PIGL: variants seen among roughly 807,000 people sequenced by gnomAD.
PIGL encodes phosphatidylinositol glycan anchor biosynthesis class L.
PIGL carries 22 observed loss-of-function variants against 31.1 expected under a neutral mutation model. That is an observed-to-expected ratio of 0.71 (90% CI 0.51 to 1.01). PIGL has a LOEUF of 1.01. PIGL is among the 50% of genes least tolerant of loss of function. The pLI, the probability that PIGL is intolerant of heterozygous loss-of-function variation, is 0.00. For synonymous variants in PIGL, 131 were observed against 117.4 expected, an observed-to-expected ratio of 1.12 and a Z score of -0.75; for missense variants, 302 against 315.9, an observed-to-expected ratio of 0.96 and a Z score of 0.33.
chr17:16,322,793 C>A (rs2093111498), intron 6 of PIGL, among the ~76,000 whole-genome samples: 1 of 152,202 alleles, frequency 6.6e-6, no homozygotes. Context: ...CCAGCTGTTT[C>A]AGCTCTCCTA....
At chr17:16,271,899 C>G (rs995357192) in intron 2 of PIGL, among the ~76,000 whole-genome samples, 4 of 151,452 alleles carry the variant, frequency 2.6e-5, no homozygotes, top group African/African-American at 9.8e-5. Flanking sequence ...ATTTTATTTT[C>G]ATTATTTTTT....
At chr17:16,317,659 G>A in intron 5 of PIGL, 116 bp from the exon 6 acceptor site, 1 of 1,534,412 alleles carries the variant, frequency 6.5e-7, no homozygotes, top group Non-Finnish European at 8.8e-7. Context: ...ACGTGGCAAT[G>A]CTGTGGCCAC....
At chr17:16,264,071 G>A (rs1035674009) in intron 2 of PIGL, among the ~76,000 whole-genome samples, 1 of 146,236 alleles carries the variant, frequency 6.8e-6, no homozygotes, top group Non-Finnish European at 1.5e-5. Context: ...GGAGTGCAAT[G>A]GCGTGATCTT....
intron 2 of PIGL, among the ~76,000 whole-genome samples, chr17:16,298,405 A>T (rs2092991382): frequency 6.6e-6 from 1 of 152,162 alleles, no homozygotes; most frequent in South Asian, 2.1e-4. Context: ...AAGATTATGA[A>T]TAATATTTTC....
intron 1 of PIGL, among the ~76,000 whole-genome samples, chr17:16,221,182 C>G (rs1214643646): frequency 6.6e-6 from 1 of 152,066 alleles, no homozygotes; most frequent in Non-Finnish European, 1.5e-5. Context: ...CAATTCTGGT[C>G]CCAAATTTTT....
chr17:16,311,486 A>ATTTTTTT (rs1568840853), intron 3 of PIGL, among the ~76,000 whole-genome samples: 8 of 10,316 alleles, frequency 7.8e-4, no homozygotes, highest in South Asian at 5.9e-3. Flanking sequence ...TTTTTTGATC[A>ATTTTTTT]TTCTTGGGTG....
chr17:16,310,531 A>G (rs1036681820), intron 3 of PIGL, among the ~76,000 whole-genome samples: 2 of 151,916 alleles, frequency 1.3e-5, no homozygotes, highest in Admixed American at 6.6e-5. Flanking sequence ...ATAAGAGTGC[A>G]GGTCTTCTGA....
Position 16,233,620 on chromosome 17 carries a change from G to A in PIGL, c.236-351G>A, listed in dbSNP as rs148352167. ...TGTCAATGAAGAGGGGGCCCCAGTT[G>A]TTCTGAGTGGTCGTACATGGTGTGA... On this transcript the variant is annotated intron_variant, in intron 1 of 6. Transcript: ENST00000225609. Among the ~76,000 whole-genome samples the A allele has an allele frequency of 2.6e-3, 391 of 152,268 alleles. 2 individuals are homozygous for A. The highest frequency in any genetic ancestry group is 9.0e-3 in the African/African-American group (375 of 41,558).
At chr17:16,263,058 A>C (rs2092825366) in intron 2 of PIGL, among the ~76,000 whole-genome samples, 1 of 134,802 alleles carries the variant, frequency 7.4e-6, no homozygotes, top group African/African-American at 2.8e-5. Flanking sequence ...GGTTGGGAGG[A>C]GGGAAAAATG....
intron 2 of PIGL, among the ~76,000 whole-genome samples, chr17:16,264,567 T>C (rs1017705815): frequency 4.0e-5 from 6 of 151,892 alleles, no homozygotes; most frequent in Non-Finnish European, 8.8e-5. Flanking sequence ...CATGTAACCT[T>C]TAAGTCAAAC....
chr17:16,222,650 T>A (rs942441745), intron 1 of PIGL, among the ~76,000 whole-genome samples: 5 of 151,458 alleles, frequency 3.3e-5, no homozygotes, highest in African/African-American at 7.3e-5. Flanking sequence ...TGTCAGTTGA[T>A]GAAATATCTA....
intron 2 of PIGL, among the ~76,000 whole-genome samples, chr17:16,246,831 G>A (rs914305521): frequency 8.6e-5 from 13 of 150,400 alleles, no homozygotes; most frequent in South Asian, 2.1e-4. Flanking sequence ...GACTACAGGC[G>A]CCCGCCACCG....
chr17:16,298,673 C>G (rs1050171424), intron 2 of PIGL, among the ~76,000 whole-genome samples: 2 of 152,206 alleles, frequency 1.3e-5, no homozygotes, highest in Non-Finnish European at 2.9e-5. Context: ...CAGGCAAAAA[C>G]CTGCATTCAA....
At position 16,265,655 on chromosome 17, in the gene PIGL, G is replaced by A. The variant is rs140251273; in HGVS notation, c.335+31585G>A. Among the ~76,000 whole-genome samples the A allele has an allele frequency of 9.7e-3, 1,475 of 151,616 alleles. 23 individuals carry two copies. The highest frequency in any genetic ancestry group is 0.034 in the African/African-American group (1,388 of 41,292). Reference sequence around the variant, plus strand: ...CTTGGGAGGCTGAGGCAGGAGAATCGCTTGAACCCAGGAGGCAGAGGTTGC... The same window carrying A: ...CTTGGGAGGCTGAGGCAGGAGAATCACTTGAACCCAGGAGGCAGAGGTTGC... On this transcript the variant is annotated intron_variant, in intron 2 of 6. Coordinates refer to ENST00000225609, the MANE Select transcript of PIGL (RefSeq NM_004278.4).
intron 2 of PIGL, among the ~76,000 whole-genome samples, chr17:16,278,653 G>A (rs1017717220): frequency 2.7e-5 from 4 of 150,312 alleles, no homozygotes; most frequent in African/African-American, 9.8e-5. Context: ...TCCACAACTT[G>A]TTCAAACTTC....
At chr17:16,275,342 C>T (rs2092890371) in intron 2 of PIGL, among the ~76,000 whole-genome samples, 1 of 152,156 alleles carries the variant, frequency 6.6e-6, no homozygotes, top group East Asian at 1.9e-4. Context: ...ATGAGAACCA[C>T]CAGAGGTCAC....
At chr17:16,271,179 A>G (rs2092870510) in intron 2 of PIGL, among the ~76,000 whole-genome samples, 2 of 152,278 alleles carry the variant, frequency 1.3e-5, no homozygotes, top group East Asian at 1.9e-4. Flanking sequence ...TTCTTTAGCA[A>G]CCTTCATTAT....
intron 3 of PIGL, 46 bp downstream of exon 3, chr17:16,300,024 A>T (rs752848130): frequency 7.0e-7 from 1 of 1,434,664 alleles, no homozygotes; most frequent in Non-Finnish European, 9.8e-7. Context: ...TCTTGGTCCC[A>T]TTCACACCAG....
At chr17:16,286,288 C>T (rs543933854) in intron 2 of PIGL, among the ~76,000 whole-genome samples, 10 of 152,356 alleles carry the variant, frequency 6.6e-5, no homozygotes, top group Admixed American at 3.9e-4. Context: ...GTTCCAGCAG[C>T]GGAGGCTGCG....
Sources: gnomAD v4.1 joint callset for allele counts (sites outside exome capture counted in the v4.1 genomes callset) on GRCh38, gnomAD v4.1.1 for gene constraint, MANE v1.5 for transcripts, NCBI Gene and HGNC (gene_info 2026-07-23, HGNC 2026-07-21) for gene names.